The following FOXK1 variants were observed in gnomAD, a reference collection of about 807,000 sequenced individuals.
FOXK1 encodes forkhead box protein K1.
Under a neutral mutation model 51.9 loss-of-function variants are expected in FOXK1, and 19 were observed. The ratio of observed to expected loss-of-function variants is 0.37; its 90% CI spans 0.26 to 0.54. The LOEUF is 0.54. FOXK1 is among the 20% of genes least tolerant of loss of function. The pLI is 0.87. For missense variants in FOXK1, 870 were observed against 1,032.7 expected, an observed-to-expected ratio of 0.84 and a Z score of 2.16; for synonymous variants, 537 against 482.6, an observed-to-expected ratio of 1.11 and a Z score of -1.48.
At chr7:4,757,688 A>G (rs1194823235) in intron 5 of FOXK1, among the ~76,000 whole-genome samples, 1 of 150,838 alleles carries the variant, frequency 6.6e-6, no homozygotes, top group Non-Finnish European at 1.5e-5. Context: ...AACAATACAC[A>G]CTACAACAGC....
At chr7:4,742,455 C>T (rs1384576050) in intron 2 of FOXK1, among the ~76,000 whole-genome samples, 3 of 152,306 alleles carry the variant, frequency 2.0e-5, no homozygotes, top group South Asian at 4.1e-4. Flanking sequence ...CTCACTCTGT[C>T]GTCCAGGCTA....
chr7:4,740,595 C>A (rs981070778), intron 1 of FOXK1, among the ~76,000 whole-genome samples: 1 of 148,154 alleles, frequency 6.7e-6, no homozygotes, highest in African/African-American at 2.6e-5. Flanking sequence ...TGGGTGACAG[C>A]GAGACTCCCT....
rs1056178039 is a variant in FOXK1, at chr7:4,709,548, T to C, written c.560+26680T>C. Among the ~76,000 whole-genome samples, 11 of 152,168 alleles carry C rather than the reference T, an allele frequency of 7.2e-5. 1 individual carries two copies. The highest frequency in any genetic ancestry group is 3.9e-4 in the Admixed American group (6 of 15,272). ...CCGTGACCGGGGCAGGCGGACCTTC[T>C]CCGGGAGCCCTGTGCACAGTTGGCT... On this transcript the variant is annotated intron_variant, in intron 1 of 8. Coordinates refer to ENST00000328914, the MANE Select transcript of FOXK1 (RefSeq NM_001037165.2). The surrounding 1 kb of genome is among the most constrained non-coding windows in gnomAD (Gnocchi z 5.6).
Position 4,682,992 on chromosome 7 carries a change from C to T in FOXK1, c.560+124C>T, listed in dbSNP as rs944009159. The T allele has an allele frequency of 4.0e-6, 4 of 989,280 alleles. No individual in the cohort carries two copies. In the African/African-American group the frequency reaches 5.2e-5, roughly 13 times the overall value. 61.3% of individuals were successfully genotyped at this position (989,280 alleles called of 1,614,324 possible). A position where few individuals can be genotyped will look rare whatever the true frequency, so the allele number is the denominator to read the frequency against. On this transcript the variant is annotated intron_variant, in intron 1 of 8. Coordinates refer to ENST00000328914, the MANE Select transcript of FOXK1 (RefSeq NM_001037165.2). This position sits in a 1 kb window ranked among gnomAD's most constrained non-coding sequence, Gnocchi z 7.6. ...CCTCGACCCCCACCCCCCGGCCCAC[C>T]CCCGGTAACCCCCGACCGGCCTGGA...
rs1323853162 is a variant in FOXK1, at chr7:4,764,763, G to C, written c.*2299G>C. 6.6e-6 allele frequency: 1 copy of C among 152,384 alleles called. No homozygotes were observed. Among genetic ancestry groups the C allele is most frequent in the Non-Finnish European group, 1.5e-5 (1 of 68,174 alleles). The allele number at this position is 152,384 out of a possible 1,614,324, so 9.4% of individuals were successfully genotyped here. ...GTTTGCTTCTGGGCCACTGCAGGTT[G>C]GCCTCCTCAATACAAGCTGATGTCT... is the stretch of plus-strand genomic sequence containing the variant. On this transcript the variant is annotated 3_prime_UTR_variant, in exon 9 of 9. Coordinates refer to ENST00000328914, the MANE Select transcript of FOXK1 (RefSeq NM_001037165.2).
At chr7:4,710,033 G>A (rs1014483963) in intron 1 of FOXK1, among the ~76,000 whole-genome samples, 5 of 152,304 alleles carry the variant, frequency 3.3e-5, no homozygotes, top group African/African-American at 7.2e-5. Flanking sequence ...TTAGTTCAGC[G>A]CCACTTCTTC....
At chr7:4,713,814 T>G (rs1368618522) in intron 1 of FOXK1, among the ~76,000 whole-genome samples, 2 of 150,094 alleles carry the variant, frequency 1.3e-5, no homozygotes, top group Admixed American at 1.3e-4. Flanking sequence ...GAGTTTTTTC[T>G]TTTTTTCTTT....
In FOXK1 at chr7:4,715,180, G is replaced by T. The variant is rs1209348511; in HGVS notation, c.561-25658G>T. 6.6e-6 allele frequency among the ~76,000 whole-genome samples: 1 copy of T among 151,824 alleles called. No individual in the cohort carries two copies. Among genetic ancestry groups the T allele is most frequent in the Admixed American group, 6.6e-5 (1 of 15,216 alleles). ...ACATGGTGGAACTGTGACGATACGG[G>T]GCACGGTGGAACTGTGGCGATACGG... On this transcript the variant is annotated intron_variant, in intron 1 of 8. Coordinates refer to ENST00000328914, the MANE Select transcript of FOXK1 (RefSeq NM_001037165.2). This position sits in a 1 kb window ranked among gnomAD's most constrained non-coding sequence, Gnocchi z 4.5.
In FOXK1 at chr7:4,762,115, AG is replaced by A; in HGVS notation, c.1922-65del. On this transcript the variant is annotated intron_variant, in intron 8 of 8. Coordinates refer to ENST00000328914, the MANE Select transcript of FOXK1 (RefSeq NM_001037165.2). This position sits in a 1 kb window ranked among gnomAD's most constrained non-coding sequence, Gnocchi z 5.7. ...CGGCTTGGTGGCTTAGCCCCTGTAT[AG>A]GGGACTTGAAAAAAGCAGCTGGGTC... is the stretch of plus-strand genomic sequence containing the variant. 6.7e-7 allele frequency: 1 copy of A among 1,493,004 alleles called. No individual in the cohort carries two copies. The highest frequency in any genetic ancestry group is 9.0e-7 in the Non-Finnish European group (1 of 1,111,368). The allele number at this position is 1,493,004 out of a possible 1,614,324, so 92.5% of individuals were successfully genotyped here.
rs1178805010 is a variant in FOXK1 at position 4,756,457 on chromosome 7, A to G, written c.1051-537A>G. Among the ~76,000 whole-genome samples the G allele has an allele frequency of 6.6e-6, 1 of 150,894 alleles. No homozygotes were observed. The highest frequency in any genetic ancestry group is 1.5e-5 in the Non-Finnish European group (1 of 67,756). The stretch of plus-strand genomic sequence containing the variant: ...TTTCTCCCAGATGTGCTCCTAGACC[A>G]GGATCTGTCTTTCTGTTTCACTTTT... On this transcript the variant is annotated intron_variant, in intron 4 of 8. Transcript: ENST00000328914. The surrounding 1 kb of genome is among the most constrained non-coding windows in gnomAD (Gnocchi z 4.1).
chr7:4,767,307 C>G lies in FOXK1; in HGVS notation c.*4843C>G, dbSNP rs1377487861. 3 of 152,286 alleles carry G rather than the reference C, an allele frequency of 2.0e-5. No individual in the cohort carries two copies. The highest frequency in any genetic ancestry group is 7.2e-5 in the African/African-American group (3 of 41,474). The allele number at this position is 152,286 out of a possible 1,614,324, so 9.4% of individuals were successfully genotyped here. A position where few individuals can be genotyped will look rare whatever the true frequency, so the allele number is the denominator to read the frequency against. ...TAAGTTACGAAACATGATCGTCAGG[C>G]TCTTTGCAAACGCAGAGCCCCAGAA... On this transcript the variant is annotated 3_prime_UTR_variant, in exon 9 of 9. Transcript: ENST00000328914. This position sits in a 1 kb window ranked among gnomAD's most constrained non-coding sequence, Gnocchi z 6.6.
At chr7:4,721,534 G>A (rs1170593024) in intron 1 of FOXK1, among the ~76,000 whole-genome samples, 1 of 151,406 alleles carries the variant, frequency 6.6e-6, no homozygotes, top group African/African-American at 2.4e-5. Flanking sequence ...CCAATGATAA[G>A]AGCTCACAGA....
At chr7:4,687,411 G>C (rs1231696550) in intron 1 of FOXK1, among the ~76,000 whole-genome samples, 4 of 151,912 alleles carry the variant, frequency 2.6e-5, no homozygotes, top group Admixed American at 2.6e-4. Flanking sequence ...TCCTGCCTCA[G>C]CCACCTGAGT....
At position 4,768,930 on chromosome 7, in the gene FOXK1, C is replaced by G. The variant is rs916723791; in HGVS notation, c.*6466C>G. The stretch of plus-strand genomic sequence containing the variant: ...GGCCTTCCCTCGGGGCCAGCCATTC[C>G]CGGGAGGCCTGAGTGTGACCTGGAA... On this transcript the variant is annotated 3_prime_UTR_variant, in exon 9 of 9. Transcript: ENST00000328914. 2.0e-5 allele frequency: 3 copies of G among 152,206 alleles called. No individual in the cohort carries two copies. Among genetic ancestry groups the G allele is most frequent in the Admixed American group, 1.3e-4 (2 of 15,272 alleles). 9.4% of individuals were successfully genotyped at this position (152,206 alleles called of 1,614,324 possible). A position where few individuals can be genotyped will look rare whatever the true frequency, so the allele number is the denominator to read the frequency against.
chr7:4,708,426 G>A (rs1780133072), intron 1 of FOXK1, among the ~76,000 whole-genome samples: 1 of 152,156 alleles, frequency 6.6e-6, no homozygotes, highest in Non-Finnish European at 1.5e-5. Context: ...GTGGATCTTG[G>A]GAAGAGACCA....
chr7:4,707,157 T>C lies in FOXK1; in HGVS notation c.560+24289T>C, dbSNP rs1290915955. ...TTTCCCATGATGTTACGTTGCCCTCTTTGTTACCACCCCTGGTGCGGTGGA... is the reference window on the plus strand; with the variant it reads ...TTTCCCATGATGTTACGTTGCCCTCCTTGTTACCACCCCTGGTGCGGTGGA... On this transcript the variant is annotated intron_variant, in intron 1 of 8. Transcript: ENST00000328914. The surrounding 1 kb of genome is among the most constrained non-coding windows in gnomAD (Gnocchi z 4.1). Among the ~76,000 whole-genome samples the C allele has an allele frequency of 2.6e-5, 4 of 152,230 alleles. No individual in the cohort carries two copies. Among genetic ancestry groups the C allele is most frequent in the Middle Eastern group, 3.2e-3 (1 of 316 alleles).
chr7:4,691,775 C>G (rs1244198737), intron 1 of FOXK1, among the ~76,000 whole-genome samples: 2 of 152,188 alleles, frequency 1.3e-5, no homozygotes, highest in Non-Finnish European at 2.9e-5. Context: ...CCTCTCTGCC[C>G]AGAAACCTCA....
At chr7:4,706,332 T>C (rs865854710) in intron 1 of FOXK1, among the ~76,000 whole-genome samples, 32 of 152,274 alleles carry the variant, frequency 2.1e-4, no homozygotes, top group African/African-American at 7.0e-4. Context: ...GTGAATGATC[T>C]GTTTAAGTGG....
intron 1 of FOXK1, among the ~76,000 whole-genome samples, chr7:4,698,520 T>A (rs1469916914): frequency 6.6e-6 from 1 of 152,166 alleles, no homozygotes; most frequent in Non-Finnish European, 1.5e-5. Context: ...GATGATCCCA[T>A]ATGATTAGCT....
Sources: allele counts gnomAD v4.1 joint callset (sites outside exome capture counted in the v4.1 genomes callset), GRCh38; gene constraint gnomAD v4.1.1; non-coding constraint Gnocchi (gnomAD v3.1); transcripts MANE v1.5; gene names NCBI Gene and HGNC (gene_info 2026-07-23, HGNC 2026-07-21).